The following CDK13 variants were observed in gnomAD, a reference collection of about 807,000 sequenced individuals.
CDK13 encodes cyclin-dependent kinase 13.
Under a neutral mutation model 137.6 loss-of-function variants are expected in CDK13, and 40 were observed. The observed-to-expected ratio is 0.29, with a 90% CI of 0.23 to 0.38. The LOEUF (loss-of-function observed/expected upper bound fraction) is 0.38, where lower values mean the gene tolerates loss of function less well. Ranked by LOEUF, CDK13 falls within the 10% of genes least tolerant of loss-of-function variation. The pLI is 1.00. For missense variants in CDK13, 1,704 were observed against 1,951.8 expected (o/e 0.87, Z 2.39); for synonymous variants, 869 against 760.1 (o/e 1.14, Z -2.36).
intron 5 of CDK13, among the ~76,000 whole-genome samples, chr7:40,035,181 A>G (rs967096258): frequency 1.3e-5 from 2 of 152,212 alleles, no homozygotes; most frequent in Admixed American, 1.3e-4. Flanking sequence ...CAACTACATT[A>G]CATATGATTT....
At chr7:40,051,430 T>C (rs1213146098) in intron 7 of CDK13, among the ~76,000 whole-genome samples, 1 of 152,200 alleles carries the variant, frequency 6.6e-6, no homozygotes, top group Non-Finnish European at 1.5e-5. Flanking sequence ...GTCTCAAATT[T>C]TCTAGATATT....
chr7:40,087,622 C>T (rs758452210), intron 11 of CDK13, among the ~76,000 whole-genome samples: 7 of 146,452 alleles, frequency 4.8e-5, no homozygotes, highest in Non-Finnish European at 1.0e-4. Context: ...AATCTCGGCT[C>T]ACCGCAACCT....
chr7:40,079,415 G>A (rs547723730), intron 11 of CDK13, among the ~76,000 whole-genome samples: 15 of 147,256 alleles, frequency 1.0e-4, no homozygotes, highest in East Asian at 4.4e-4. Context: ...GCAAGACTCC[G>A]TCTCAAAAAA....
chr7:40,062,684 G>T, intron 7 of CDK13, 142 bp from the exon 8 acceptor site: 1 of 685,058 alleles, frequency 1.5e-6, no homozygotes, highest in Non-Finnish European at 2.6e-6. Context: ...GATACCTTTG[G>T]ATGTCTGTAT....
rs2116073664 is a variant in CDK13, at chr7:39,951,825, C to T, written c.1184C>T (p.Ser395Phe). The change falls in exon 1 of 14, where the codon TCT (serine) becomes TTT (phenylalanine). Residue 395 changes from serine (S) to phenylalanine (F), a missense_variant. Physicochemically the swap from Ser to Phe is radical, Grantham distance 155. Transcript: ENST00000181839. ...TACAGCAGCAGCAGCTGGCGCCGCT[C>T]TCGCAGTCCCTACAGCCCTGTGCTC... The part of the protein sequence containing the change: ...SPYSSSSWRR[S>F]RSPYSPVLRR... The T allele has an allele frequency of 6.9e-7, 1 of 1,456,482 alleles. No homozygotes were observed. The highest frequency in any genetic ancestry group is 9.0e-7 in the Non-Finnish European group (1 of 1,113,884). 90.2% of individuals were successfully genotyped at this position (1,456,482 alleles called of 1,614,324 possible).
At chr7:40,022,861 T>C (rs1449278546) in intron 5 of CDK13, among the ~76,000 whole-genome samples, 3 of 150,044 alleles carry the variant, frequency 2.0e-5, no homozygotes, top group East Asian at 1.9e-4. Context: ...TCGTCTTCTT[T>C]TTTTTTTTTT....
At chr7:40,078,323 G>A in intron 10 of CDK13, 1 of 407,864 alleles carries the variant, frequency 2.5e-6, no homozygotes, top group Non-Finnish European at 4.3e-6. Flanking sequence ...TGTGTGTTTG[G>A]TTTGGTGCTT....
At chr7:40,021,152 T>C (rs118159040) in intron 5 of CDK13, among the ~76,000 whole-genome samples, 15,076 of 120,368 alleles carry the variant, frequency 0.13, 1,029 homozygotes, top group Middle Eastern at 0.19. Context: ...CACACACACA[T>C]AAAGTTTTAA....
At chr7:40,064,265 CAA>C (rs201560158) in intron 9 of CDK13, among the ~76,000 whole-genome samples, 3,075 of 98,238 alleles carry the variant, frequency 0.031, 105 homozygotes, top group African/African-American at 0.12. Flanking sequence ...GCCTGGGCAA[CAA>C]GAGCGAAATT....
At chr7:40,090,769 G>A (rs751696526) in intron 12 of CDK13, among the ~76,000 whole-genome samples, 3 of 152,184 alleles carry the variant, frequency 2.0e-5, no homozygotes, top group African/African-American at 4.8e-5. Flanking sequence ...TACTTGCGGG[G>A]CTGAAGCAGG....
rs1784380187 is a variant in CDK13, at chr7:39,988,129, A to T, written c.1742A>T (p.Lys581Ile). ...ACAAAGGAGGAATCAGTATCTCTTA[A>T]AGAGAAAACCAAACCACTTACACCA... ...AATKEESVSL[K>I]EKTKPLTPSI... is the part of the protein sequence containing the mutation. The change falls in exon 2 of 14, where the codon AAA becomes ATA. Residue 581 changes from lysine to isoleucine, a missense_variant. Lys to Ile is a moderately radical substitution (Grantham distance 102). Around this residue, in one of 5 missense-constraint regions of CDK13, gnomAD observed 1,051 missense variants for 931.0 expected, o/e 1.13. Coordinates refer to ENST00000181839, the MANE Select transcript of CDK13 (RefSeq NM_003718.5). 1 of 1,614,136 alleles carries T rather than the reference A, an allele frequency of 6.2e-7. No homozygotes were observed. The highest frequency in any genetic ancestry group is 1.3e-5 in the African/African-American group (1 of 75,030).
At chr7:40,069,398 AC>A in intron 9 of CDK13, 1 of 438,248 alleles carries the variant, frequency 2.3e-6, no homozygotes, top group Non-Finnish European at 4.6e-6. Flanking sequence ...TTAGAATCTT[AC>A]AGGGTTGGGT....
intron 9 of CDK13, chr7:40,072,226 A>C (rs1386862157): frequency 2.0e-5 from 3 of 152,302 alleles, no homozygotes; most frequent in Non-Finnish European, 4.4e-5. Context: ...TCCCGGGTTC[A>C]AGCAATTCTC....
chr7:39,968,396 GT>G (rs1237005312), intron 1 of CDK13, among the ~76,000 whole-genome samples: 2 of 152,104 alleles, frequency 1.3e-5, no homozygotes, highest in African/African-American at 4.8e-5. Flanking sequence ...TGGATATCCA[GT>G]TTTCCCACCC....
At chr7:39,964,296 A>C (rs1783818288) in intron 1 of CDK13, among the ~76,000 whole-genome samples, 1 of 151,978 alleles carries the variant, frequency 6.6e-6, no homozygotes, top group South Asian at 2.1e-4. Flanking sequence ...TCAATTTCAG[A>C]GCCTGTTATT....
chr7:40,031,081 C>G (rs968691911), intron 5 of CDK13, among the ~76,000 whole-genome samples: 3 of 152,170 alleles, frequency 2.0e-5, no homozygotes, highest in African/African-American at 7.2e-5. Flanking sequence ...AACTGTCTTC[C>G]GTAGTGTCTG....
chr7:40,003,206 A>ACACACACACACTCTCTCTCTCTCTCTCT (rs374470130), intron 5 of CDK13, among the ~76,000 whole-genome samples: 10 of 79,896 alleles, frequency 1.3e-4, no homozygotes, highest in African/African-American at 4.7e-4. Flanking sequence ...ACACACACAC[A>ACACACACACACTCTCTCTCTCTCTCTCT]CTCTCTCTCT....
At position 39,999,392 on chromosome 7, in the gene CDK13, G is replaced by T. The variant is rs775637579; in HGVS notation, c.2074G>T (p.Glu692Ter). ...ICGPRYGETK[E>*]KDIDWGKRCV... ...TGGGCCTCGCTATGGTGAAACCAAA[G>T]AAAAAGATATTGACTGGGGAAAACG... Residue 692 changes from glutamate (E) to a stop codon, truncating the protein, a stop_gained, in exon 4 of 14, where the codon GAA becomes TAA. Transcript: ENST00000181839. LOFTEE classifies it high-confidence loss of function. 1.2e-6 allele frequency: 2 copies of T among 1,612,476 alleles called. No homozygotes were observed. The highest frequency in any genetic ancestry group is 8.5e-7 in the Non-Finnish European group (1 of 1,179,158).
At chr7:40,079,820 TATA>T in intron 11 of CDK13, among the ~76,000 whole-genome samples, 1 of 152,194 alleles carries the variant, frequency 6.6e-6, no homozygotes, top group East Asian at 1.9e-4. Flanking sequence ...ATGGGGGAAA[TATA>T]TAGAGTTTGG....
Sources: allele counts gnomAD v4.1 joint callset (sites outside exome capture counted in the v4.1 genomes callset), GRCh38; gene constraint gnomAD v4.1.1; regional missense constraint gnomAD v4.1.1; transcripts MANE v1.5; gene names NCBI Gene and HGNC (gene_info 2026-07-23, HGNC 2026-07-21).